Variants in PTPA observed in about 807,000 individuals in gnomAD.
The protein encoded by PTPA is protein phosphatase 2 phosphatase activator.
PTPA carries 13 observed loss-of-function variants against 43.6 expected under a neutral mutation model. The observed-to-expected ratio is 0.30, with a 90% CI of 0.19 to 0.47. PTPA has a LOEUF of 0.47. Ranked by LOEUF, PTPA falls within the 20% of genes least tolerant of loss-of-function variation. PTPA has a pLI of 0.99. For missense variants in PTPA, 329 were observed against 411.9 expected, an observed-to-expected ratio of 0.80 and a Z score of 1.74; for synonymous variants, 172 against 158.2, an observed-to-expected ratio of 1.09 and a Z score of -0.66.
At chr9:129,115,827 A>T (rs571527965) in intron 1 of PTPA, among the ~76,000 whole-genome samples, 1 of 149,348 alleles carries the variant, frequency 6.7e-6, no homozygotes, top group South Asian at 2.1e-4. Context: ...TTTTTAGTAG[A>T]TATGGGGCTT....
At chr9:129,116,375 A>G (rs1588483782) in intron 1 of PTPA, among the ~76,000 whole-genome samples, 1 of 126,624 alleles carries the variant, frequency 7.9e-6, no homozygotes, top group Admixed American at 8.7e-5. Context: ...TTTAGTAGAG[A>G]CAGGGTTTCT....
intron 4 of PTPA, 70 bp downstream of exon 4, chr9:129,129,180 G>T (rs907561114): frequency 4.4e-6 from 7 of 1,587,574 alleles, no homozygotes; most frequent in Non-Finnish European, 6.0e-6. Context: ...AGTTGGGGAA[G>T]GGCCTGCATT....
At chr9:129,115,345 C>CT (rs1295341795) in intron 1 of PTPA, among the ~76,000 whole-genome samples, 1 of 152,188 alleles carries the variant, frequency 6.6e-6, no homozygotes, top group African/African-American at 2.4e-5. Flanking sequence ...CTTCTGATCT[C>CT]TTTCTGGGGC....
At chr9:129,124,349 T>C (rs559971258) in intron 3 of PTPA, among the ~76,000 whole-genome samples, 2 of 64,248 alleles carry the variant, frequency 3.1e-5, no homozygotes, top group South Asian at 7.5e-4. Flanking sequence ...TGGCCCCTCA[T>C]TTATTTAAAC....
At chr9:129,114,764 GTC>G (rs1253686462) in intron 1 of PTPA, among the ~76,000 whole-genome samples, 2 of 152,200 alleles carry the variant, frequency 1.3e-5, no homozygotes, top group South Asian at 4.1e-4. Context: ...TGGAACCTAT[GTC>G]TCTATAACCT....
At chr9:129,138,551 C>T (rs1015372477) in intron 8 of PTPA, among the ~76,000 whole-genome samples, 3 of 152,164 alleles carry the variant, frequency 2.0e-5, no homozygotes, top group African/African-American at 7.2e-5. Context: ...AGGGCGCCCT[C>T]GCTCAGCTAT....
intron 5 of PTPA, among the ~76,000 whole-genome samples, chr9:129,134,296 C>CTTTTTTTTTT (rs68089837): frequency 1.8e-5 from 1 of 56,906 alleles, no homozygotes; most frequent in African/African-American, 7.8e-5. Flanking sequence ...ACTGGTAGTT[C>CTTTTTTTTTT]TTTTTTTTTT....
At chr9:129,144,765 G>A (rs1851183629) in intron 9 of PTPA, among the ~76,000 whole-genome samples, 1 of 146,354 alleles carries the variant, frequency 6.8e-6, no homozygotes, top group Non-Finnish European at 1.5e-5. Flanking sequence ...AGATCACCAA[G>A]TCTTTGCCTG....
upstream of PTPA, chr9:129,111,381 G>A (rs1484051690): frequency 5.8e-6 from 7 of 1,200,610 alleles, no homozygotes; most frequent in Non-Finnish European, 7.3e-6. Context: ...GCCGCGCGCC[G>A]GCCGTTAATA....
intron 9 of PTPA, chr9:129,143,332 C>G (rs551362061): frequency 4.3e-6 from 3 of 702,986 alleles, no homozygotes; most frequent in Non-Finnish European, 7.8e-6. Context: ...AAGTTCCACA[C>G]CTGGAGTGAT....
chr9:129,147,425 C>T lies in PTPA; in HGVS notation c.933C>T (p.Phe311=), dbSNP rs745472873. 1.2e-5 allele frequency: 19 copies of T among 1,613,850 alleles called. No individual in the cohort carries two copies. Among genetic ancestry groups the T allele is most frequent in the Middle Eastern group, 3.3e-4 (2 of 6,066 alleles). The change falls in exon 10 of 10, where the codon TTC becomes TTT. Residue 311 remains phenylalanine, a synonymous_variant. Transcript: ENST00000393370. ...TCCCTGTGATCCAGCACTTCAAGTT[C>T]GGGAGCCTGCTGCCCATCCATCCTG... The part of the protein sequence containing the change: ...EKFPVIQHFK[F]GSLLPIHPVT...
Position 129,147,745 on chromosome 9 carries a change from GT to G in PTPA, c.*284del, listed in dbSNP as rs1025921960. 2.3e-6 allele frequency: 1 copy of G among 436,414 alleles called. No homozygotes were observed. Among genetic ancestry groups the G allele is most frequent in the African/African-American group, 2.0e-5 (1 of 49,552 alleles). The allele number at this position is 436,414 out of a possible 1,614,324, so 27.0% of individuals were successfully genotyped here. A position where few individuals can be genotyped will look rare whatever the true frequency, so the allele number is the denominator to read the frequency against. On this transcript the variant is annotated 3_prime_UTR_variant, in exon 10 of 10. Coordinates refer to ENST00000393370, the MANE Select transcript of PTPA (RefSeq NM_178000.3). ...CCTGGTCACTCGGCCACTCTCTCCT[GT>G]TTCTGGCCTCTTCTCCCTTCACTCC...
intron 2 of PTPA, among the ~76,000 whole-genome samples, chr9:129,121,510 G>A (rs1849249308): frequency 6.6e-6 from 1 of 152,236 alleles, no homozygotes. Flanking sequence ...GCTGCTCAAA[G>A]GATATGGTTT....
intron 3 of PTPA, among the ~76,000 whole-genome samples, chr9:129,126,400 G>A (rs1372261270): frequency 1.3e-5 from 2 of 151,718 alleles, no homozygotes; most frequent in Non-Finnish European, 2.9e-5. Flanking sequence ...GGCTGGTCTC[G>A]AACTCCCGAA....
At chr9:129,142,347 T>G in intron 8 of PTPA, 98 bp from the exon 9 acceptor site, 1 of 1,090,508 alleles carries the variant, frequency 9.2e-7, no homozygotes, top group Non-Finnish European at 1.3e-6. Flanking sequence ...TTTGTGTGTG[T>G]GTGTGTGTGC....
In PTPA at chr9:129,145,724, C is replaced by T. The variant is rs59386446; in HGVS notation, c.895-1663C>T. Among the ~76,000 whole-genome samples, 776 of 152,070 alleles carry T rather than the reference C, an allele frequency of 5.1e-3. 5 individuals carry two copies. The highest frequency in any genetic ancestry group is 0.017 in the African/African-American group (716 of 41,476). On this transcript the variant is annotated intron_variant, in intron 9 of 9. Transcript: ENST00000393370. Reference sequence around the variant, plus strand: ...TCAGGGGCCTTGTGTGGTTGCGGGGCGGCGGGGGGGAGGGTCTGTCTTTCC... The same window carrying T: ...TCAGGGGCCTTGTGTGGTTGCGGGGTGGCGGGGGGGAGGGTCTGTCTTTCC...
intron 7 of PTPA, 139 bp downstream of exon 7, chr9:129,136,734 G>A: frequency 8.6e-7 from 1 of 1,165,592 alleles, no homozygotes; most frequent in South Asian, 1.8e-5. Flanking sequence ...CAGGGCATTA[G>A]ACCAGCTATT....
At chr9:129,147,247 G>C in intron 9 of PTPA, 140 bp from the exon 10 acceptor site, 1 of 710,468 alleles carries the variant, frequency 1.4e-6, no homozygotes, top group Non-Finnish European at 2.4e-6. Flanking sequence ...AGGAACTGGG[G>C]GAGGAAGGCC....
At chr9:129,123,162 C>A (rs763081444) in intron 3 of PTPA, 24 bp downstream of exon 3, 2 of 1,571,530 alleles carry the variant, frequency 1.3e-6, no homozygotes, top group South Asian at 2.2e-5. Context: ...GGAGCTGCTG[C>A]AGCAGCCTTT....
Sources: allele counts gnomAD v4.1 joint callset (sites outside exome capture counted in the v4.1 genomes callset), GRCh38; gene constraint gnomAD v4.1.1; transcripts MANE v1.5; gene names NCBI Gene and HGNC (gene_info 2026-07-23, HGNC 2026-07-21).